The following ZNF831 variants were observed in gnomAD, a reference collection of about 807,000 sequenced individuals.
ZNF831 encodes zinc finger protein 831.
In ZNF831, 59 loss-of-function variants were observed where a neutral mutation model predicts 95.8. The ratio of observed to expected loss-of-function variants is 0.62; its 90% CI spans 0.50 to 0.77. The LOEUF is 0.77. Among genes scored for constraint, ZNF831 ranks in the 30% least tolerant of loss-of-function variants. ZNF831 has a pLI of 0.00. For missense variants in ZNF831, 2,205 were observed against 2,164.0 expected, an observed-to-expected ratio of 1.02 and a Z score of -0.38; for synonymous variants, 961 against 925.5, an observed-to-expected ratio of 1.04 and a Z score of -0.70.
chr20:59,199,142 C>T (rs260004), intron 3 of ZNF831, among the ~76,000 whole-genome samples: 16,252 of 142,634 alleles, frequency 0.11, 1,936 homozygotes, highest in African/African-American at 0.31. Context: ...TATCACGTAA[C>T]CCTTGTGTTC....
exon 2 of ZNF831, chr20:59,146,265 A>G (rs925077055): frequency 1.3e-5 from 2 of 152,204 alleles, no homozygotes; most frequent in African/African-American, 4.8e-5. Context: ...CATAAAGAGA[A>G]GCAGAGGCAG....
chr20:59,136,413 G>C (rs1979509813), intron 1 of ZNF831, among the ~76,000 whole-genome samples: 1 of 152,132 alleles, frequency 6.6e-6, no homozygotes, highest in South Asian at 2.1e-4. Flanking sequence ...ATTAAAGTTT[G>C]ATTGAATAAC....
intron 4 of ZNF831, among the ~76,000 whole-genome samples, chr20:59,234,880 C>T (rs910068267): frequency 6.6e-6 from 1 of 152,192 alleles, no homozygotes; most frequent in Non-Finnish European, 1.5e-5. Context: ...ATCTTATATT[C>T]GTATGGCACA....
Position 59,208,290 on chromosome 20 carries a change from C to G in ZNF831, c.4027+1234C>G, listed in dbSNP as rs1383317510. ...CAGCGAAATTGCCCATTGGGCTGTG[C>G]TTGATACTGCCACGCCCCATGGAGG... On this transcript the variant is annotated intron_variant, in intron 4 of 5. Coordinates refer to ENST00000371030, the MANE Select transcript of ZNF831 (RefSeq NM_178457.3). This position sits in a 1 kb window ranked among gnomAD's most constrained non-coding sequence, Gnocchi z 4.2. 6.6e-6 allele frequency among the ~76,000 whole-genome samples: 1 copy of G among 152,170 alleles called. No individual in the cohort carries two copies. Among genetic ancestry groups the G allele is most frequent in the Non-Finnish European group, 1.5e-5 (1 of 68,022 alleles).
chr20:59,145,670 C>G (rs1386463338), intron 1 of ZNF831, among the ~76,000 whole-genome samples: 1 of 152,150 alleles, frequency 6.6e-6, no homozygotes, highest in East Asian at 1.9e-4. Flanking sequence ...AAGCCCACAC[C>G]CTCTTTTGGT....
At chr20:59,149,253 C>G (rs533666266) in intron 2 of ZNF831, among the ~76,000 whole-genome samples, 3 of 152,198 alleles carry the variant, frequency 2.0e-5, no homozygotes, top group Admixed American at 6.5e-5. Context: ...CAATTTCTTT[C>G]TGTGTGTGGA....
At chr20:59,165,961 A>AAAT (rs1411273310) in intron 1 of ZNF831, among the ~76,000 whole-genome samples, 1 of 152,136 alleles carries the variant, frequency 6.6e-6, no homozygotes, top group Non-Finnish European at 1.5e-5. Flanking sequence ...CATTTTGGCT[A>AAAT]GGCTGGTCTC....
At chr20:59,188,693 T>A (rs1179706139) in intron 1 of ZNF831, among the ~76,000 whole-genome samples, 5 of 150,044 alleles carry the variant, frequency 3.3e-5, no homozygotes, top group African/African-American at 1.2e-4. Context: ...TAAATTGGGT[T>A]GTCTTTTGTT....
At chr20:59,253,857 C>CCA in intron 5 of ZNF831, 41 bp from the exon 6 acceptor site, 1 of 1,183,608 alleles carries the variant, frequency 8.4e-7, no homozygotes, top group Non-Finnish European at 1.1e-6. Context: ...TACCAATTAA[C>CCA]CTCCCCCCCC....
At chr20:59,186,974 T>C (rs1983101202) in intron 1 of ZNF831, among the ~76,000 whole-genome samples, 1 of 151,900 alleles carries the variant, frequency 6.6e-6, no homozygotes, top group African/African-American at 2.4e-5. Context: ...CTTGTAGCAT[T>C]TGCTGATTTT....
At position 59,191,928 on chromosome 20, in the gene ZNF831, G is replaced by C. The variant is rs2146556521; in HGVS notation, c.909G>C (p.Glu303Asp). ...ASTQPWRKLP[E>D]QKSPTAGKPC... is the part of the protein sequence containing the mutation. ...CACAACCCTGGCGTAAGTTGCCAGA[G>C]CAGAAGTCGCCGACCGCCGGGAAGC... The change falls in exon 2 of 6, where the codon GAG becomes GAC. Residue 303 changes from glutamate (E) to aspartate (D), a missense_variant. Coordinates refer to ENST00000371030, the MANE Select transcript of ZNF831 (RefSeq NM_178457.3). 1.9e-6 allele frequency: 3 copies of C among 1,610,934 alleles called. No individual in the cohort carries two copies. Among genetic ancestry groups the C allele is most frequent in the Non-Finnish European group, 2.5e-6 (3 of 1,179,172 alleles).
At chr20:59,214,264 G>T (rs1383986669) in intron 4 of ZNF831, among the ~76,000 whole-genome samples, 1 of 152,230 alleles carries the variant, frequency 6.6e-6, no homozygotes, top group African/African-American at 2.4e-5. Context: ...CTCTAAAACT[G>T]CTGTGACATC....
At chr20:59,224,276 T>C (rs1034138938) in intron 4 of ZNF831, among the ~76,000 whole-genome samples, 2 of 152,174 alleles carry the variant, frequency 1.3e-5, no homozygotes, top group African/African-American at 4.8e-5. Flanking sequence ...CCTGGGTGCT[T>C]TGAGGTGCCC....
At chr20:59,249,741 G>A (rs571825132) in intron 4 of ZNF831, among the ~76,000 whole-genome samples, 1 of 152,350 alleles carries the variant, frequency 6.6e-6, no homozygotes, top group East Asian at 1.9e-4. Context: ...AGCACACTTG[G>A]TAATCTAGTA....
rs779302705 is a variant in ZNF831 at position 59,253,879 on chromosome 20, C to G, written c.4189-19C>G. ...TAACCTCCCCCCCCACTTTTTTTTT[C>G]CTTTGCACTTTGTTGCAGGATATTT... On this transcript the variant is annotated intron_variant, in intron 5 of 5. Coordinates refer to ENST00000371030, the MANE Select transcript of ZNF831 (RefSeq NM_178457.3). 1.6e-5 allele frequency: 8 copies of G among 489,066 alleles called. No homozygotes were observed. The highest frequency in any genetic ancestry group is 4.5e-5 in the African/African-American group (1 of 22,088). The allele number at this position is 489,066 out of a possible 1,614,324, so 30.3% of individuals were successfully genotyped here.
At chr20:59,189,194 AAAAAT>A (rs753931035) in intron 1 of ZNF831, among the ~76,000 whole-genome samples, 1 of 152,116 alleles carries the variant, frequency 6.6e-6, no homozygotes, top group Non-Finnish European at 1.5e-5. Context: ...AAAAAAATAA[AAAAAT>A]AAAAAAATAA....
At position 59,192,698 on chromosome 20, in the gene ZNF831, C is replaced by A. The variant is rs1464788690; in HGVS notation, c.1679C>A (p.Ala560Asp). Residue 560 changes from alanine to aspartate, a missense_variant, in exon 2 of 6, where the codon GCC becomes GAC. Transcript: ENST00000371030. This position sits in a 1 kb window ranked among gnomAD's most constrained non-coding sequence, Gnocchi z 5.2. ...GACGTTCCCAGTGGGCATCCCCGGG[C>A]CCTGGTCAGACAGGCCGCGGTGGAG... ...STDVPSGHPR[A>D]LVRQAAVEDL... 1.3e-6 allele frequency: 2 copies of A among 1,587,038 alleles called. No homozygotes were observed. Among genetic ancestry groups the A allele is most frequent in the African/African-American group, 2.7e-5 (2 of 74,370 alleles).
chr20:59,172,929 A>C (rs1253837114), intron 1 of ZNF831, among the ~76,000 whole-genome samples: 1 of 152,196 alleles, frequency 6.6e-6, no homozygotes, highest in East Asian at 1.9e-4. Context: ...GGTCATAGTG[A>C]GCACCTGTCT....
intron 3 of ZNF831, 149 bp downstream of exon 3, chr20:59,196,154 C>T (rs1364191741): frequency 9.2e-7 from 1 of 1,087,044 alleles, no homozygotes. Flanking sequence ...TTGTTTCCCA[C>T]CCCTTGCAAC....
Sources: allele counts gnomAD v4.1 joint callset (sites outside exome capture counted in the v4.1 genomes callset), GRCh38; gene constraint gnomAD v4.1.1; non-coding constraint Gnocchi (gnomAD v3.1); transcripts MANE v1.5; gene names NCBI Gene and HGNC (gene_info 2026-07-23, HGNC 2026-07-21).